Variants in BANK1 observed in about 807,000 individuals in gnomAD.
BANK1 encodes B cell scaffold protein with ankyrin repeats 1.
In BANK1, 95 loss-of-function variants were observed where a neutral mutation model predicts 94.5. The ratio of observed to expected loss-of-function variants is 1.00; its 90% CI spans 0.85 to 1.19. BANK1 has a LOEUF of 1.19. BANK1 is among the 50% of genes most tolerant of loss of function. The pLI is 0.00. For synonymous variants in BANK1, 334 were observed against 308.4 expected (o/e 1.08, Z -0.87); for missense variants, 987 against 932.2 (o/e 1.06, Z -0.77).
intron 13 of BANK1, among the ~76,000 whole-genome samples, chr4:102,063,741 C>G (rs56712481): frequency 1.3e-5 from 2 of 150,206 alleles, no homozygotes; most frequent in Non-Finnish European, 2.9e-5. Flanking sequence ...AGAACCCCCC[C>G]GGAAGGCACA....
intron 13 of BANK1, among the ~76,000 whole-genome samples, chr4:102,070,795 G>A (rs1037542890): frequency 2.0e-5 from 3 of 152,140 alleles, no homozygotes; most frequent in Non-Finnish European, 4.4e-5. Flanking sequence ...TTGAGTGAAG[G>A]TTGACATAAG....
chr4:102,038,924 T>G (rs1220584950), intron 10 of BANK1, among the ~76,000 whole-genome samples: 1 of 152,144 alleles, frequency 6.6e-6, no homozygotes, highest in African/African-American at 2.4e-5. Flanking sequence ...AATTAATGTT[T>G]TCTCCTCTGG....
chr4:101,990,290 AT>A (rs1413626335), intron 7 of BANK1, among the ~76,000 whole-genome samples: 1 of 152,222 alleles, frequency 6.6e-6, no homozygotes, highest in Non-Finnish European at 1.5e-5. Context: ...GTGAATTAGC[AT>A]GAATGACTTT....
chr4:102,037,781 C>A (rs1727560539), intron 10 of BANK1, among the ~76,000 whole-genome samples: 1 of 152,084 alleles, frequency 6.6e-6, no homozygotes, highest in Non-Finnish European at 1.5e-5. Flanking sequence ...AGAACTAAAA[C>A]CATATATGTA....
chr4:101,995,654 G>T (rs1040399684), intron 7 of BANK1, among the ~76,000 whole-genome samples: 6 of 152,254 alleles, frequency 3.9e-5, no homozygotes, highest in Admixed American at 1.3e-4. Context: ...GCATGAGATG[G>T]TATCTCATTG....
chr4:101,870,668 T>G, intron 5 of BANK1, 24 bp downstream of exon 5: 1 of 1,602,694 alleles, frequency 6.2e-7, no homozygotes, highest in Non-Finnish European at 8.5e-7. Flanking sequence ...TCCACGAAGT[T>G]AATCATAATG....
intron 1 of BANK1, among the ~76,000 whole-genome samples, chr4:101,816,401 C>T (rs1349824586): frequency 6.6e-6 from 1 of 152,156 alleles, no homozygotes; most frequent in African/African-American, 2.4e-5. Context: ...GCCATCTTTT[C>T]TCTAAATCAA....
At chr4:101,930,839 C>T (rs1723313872) in intron 7 of BANK1, among the ~76,000 whole-genome samples, 1 of 151,446 alleles carries the variant, frequency 6.6e-6, no homozygotes, top group South Asian at 2.1e-4. Flanking sequence ...GCACACTTAA[C>T]CATTTTTAGT....
chr4:101,949,611 T>G (rs1054986294), intron 7 of BANK1, among the ~76,000 whole-genome samples: 14 of 152,134 alleles, frequency 9.2e-5, no homozygotes, highest in African/African-American at 3.4e-4. Flanking sequence ...TATGTAAATA[T>G]ATGTTAAACT....
intron 7 of BANK1, among the ~76,000 whole-genome samples, chr4:101,967,396 A>G (rs1252476759): frequency 6.6e-6 from 1 of 152,022 alleles, no homozygotes; most frequent in Non-Finnish European, 1.5e-5. Context: ...TTCTGTCTCT[A>G]GAGAAAGAAT....
At chr4:101,902,086 C>T (rs1000634822) in intron 6 of BANK1, among the ~76,000 whole-genome samples, 1 of 152,156 alleles carries the variant, frequency 6.6e-6, no homozygotes, top group East Asian at 1.9e-4. Context: ...TACACCATTC[C>T]TATCTGGCTA....
At chr4:101,974,544 A>T (rs184471420) in intron 7 of BANK1, among the ~76,000 whole-genome samples, 5 of 152,164 alleles carry the variant, frequency 3.3e-5, no homozygotes, top group African/African-American at 1.2e-4. Flanking sequence ...CACTGTGCCA[A>T]ATAATTCCAT....
intron 7 of BANK1, among the ~76,000 whole-genome samples, chr4:101,919,277 A>G (rs757840793): frequency 2.0e-5 from 3 of 151,936 alleles, no homozygotes; most frequent in Non-Finnish European, 4.4e-5. Context: ...ACACTGGGTT[A>G]AAATTTTCCC....
chr4:101,986,787 G>GTGTAGATATATGTGTATATATA (rs1725493812), intron 7 of BANK1, among the ~76,000 whole-genome samples: 1 of 89,162 alleles, frequency 1.1e-5, no homozygotes, highest in Admixed American at 1.2e-4. Context: ...TTATATATGT[G>GTGTAGATATATGTGTATATATA]TGTATATATA....
At chr4:101,891,357 CTAAT>C (rs1290249601) in intron 5 of BANK1, among the ~76,000 whole-genome samples, 22 of 152,076 alleles carry the variant, frequency 1.4e-4, no homozygotes, top group Non-Finnish European at 1.5e-5. Context: ...TTCTAGCAAT[CTAAT>C]TGTTTTTACC....
At position 101,847,327 on chromosome 4, in the gene BANK1, A is replaced by T. The variant is rs190940575; in HGVS notation, c.470-7708A>T. Among the ~76,000 whole-genome samples, 10 of 152,104 alleles carry T rather than the reference A, an allele frequency of 6.6e-5. No individual in the cohort carries two copies. In the East Asian group the frequency reaches 1.2e-3, roughly 18 times the overall value. On this transcript the variant is annotated intron_variant, in intron 2 of 16. Coordinates refer to ENST00000322953, the MANE Select transcript of BANK1 (RefSeq NM_017935.5). ...TAGTTGTTAGTTGTTATTCATATTC[A>T]TGAGAAGTTTGGGGTATTTATTTTT... is the stretch of plus-strand genomic sequence containing the variant.
rs866274713 is a variant in BANK1, at chr4:102,044,546, C to T, written c.1969+639C>T. ...ATTTATAGTCCTTTGGGTATATACC[C>T]AGTAATGGGATGGCTGGGTCAAATG... is the stretch of plus-strand genomic sequence containing the variant. On this transcript the variant is annotated intron_variant, in intron 11 of 16. Coordinates refer to ENST00000322953, the MANE Select transcript of BANK1 (RefSeq NM_017935.5). Among the ~76,000 whole-genome samples the T allele has an allele frequency of 6.0e-3, 804 of 134,080 alleles. 3 individuals carry two copies. The highest frequency in any genetic ancestry group is 0.053 in the Middle Eastern group (15 of 284). The allele number at this position is 134,080 out of a possible 152,430, so 88.0% of individuals were successfully genotyped here. A position where few individuals can be genotyped will look rare whatever the true frequency, so the allele number is the denominator to read the frequency against.
At chr4:102,002,878 G>A (rs1726126213) in intron 7 of BANK1, among the ~76,000 whole-genome samples, 1 of 152,164 alleles carries the variant, frequency 6.6e-6, no homozygotes, top group Non-Finnish European at 1.5e-5. Context: ...AGGTTCAAGT[G>A]ATTCTCATGT....
chr4:102,047,557 G>T (rs187076427), intron 11 of BANK1, among the ~76,000 whole-genome samples: 164 of 152,258 alleles, frequency 1.1e-3, no homozygotes, highest in African/African-American at 3.7e-3. Flanking sequence ...AAACAAAGTA[G>T]ATAAGATTAT....
Sources: allele counts gnomAD v4.1 joint callset (sites outside exome capture counted in the v4.1 genomes callset), GRCh38; gene constraint gnomAD v4.1.1; transcripts MANE v1.5; gene names NCBI Gene and HGNC (gene_info 2026-07-23, HGNC 2026-07-21).